The following FHIP1A variants were observed in gnomAD, a reference collection of about 807,000 sequenced individuals.
The protein encoded by FHIP1A is FHF complex subunit HOOK interacting protein 1A.
In FHIP1A, 61 loss-of-function variants were observed where a neutral mutation model predicts 88.6. That is an observed-to-expected ratio of 0.69 (90% confidence interval 0.56 to 0.85). FHIP1A has a LOEUF of 0.85. Ranked by LOEUF, FHIP1A falls within the 40% of genes least tolerant of loss-of-function variation. The probability of loss-of-function intolerance (pLI) is 0.00; values close to 1 mark genes in which losing one functional copy is unlikely to be tolerated. For synonymous variants in FHIP1A, 478 were observed against 496.0 expected (o/e 0.96, Z 0.48); for missense variants, 1,154 against 1,273.5 (o/e 0.91, Z 1.43).
intron 2 of FHIP1A, among the ~76,000 whole-genome samples, chr4:151,478,875 T>G (rs1249698393): frequency 6.6e-6 from 1 of 152,134 alleles, no homozygotes; most frequent in African/African-American, 2.4e-5. Context: ...TTTTAGTAAG[T>G]CAGTATTCTT....
chr4:151,493,560 A>G (rs1730357075), intron 3 of FHIP1A, among the ~76,000 whole-genome samples: 1 of 152,154 alleles, frequency 6.6e-6, no homozygotes, highest in Non-Finnish European at 1.5e-5. Flanking sequence ...TTAACATAGA[A>G]GCAAAAATCC....
intron 3 of FHIP1A, chr4:151,533,035 T>C (rs1731936865): frequency 6.6e-6 from 1 of 152,192 alleles, no homozygotes; most frequent in South Asian, 2.1e-4. Context: ...TCAACCTTAT[T>C]GATGTTTTTG....
intron 1 of FHIP1A, among the ~76,000 whole-genome samples, chr4:151,411,912 A>G (rs1417560151): frequency 6.6e-6 from 1 of 152,188 alleles, no homozygotes; most frequent in Non-Finnish European, 1.5e-5. Flanking sequence ...CTCAAGAGTG[A>G]CAAGAAACTC....
rs1737681611 is a variant in FHIP1A, at chr4:151,666,786, T to G, written c.*4032T>G. On this transcript the variant is annotated 3_prime_UTR_variant, in exon 14 of 14. Coordinates refer to ENST00000435205, the MANE Select transcript of FHIP1A (RefSeq NM_001109977.3). The stretch of plus-strand genomic sequence containing the variant: ...CAGGAGGGAAGCACAGCCGCAGCAG[T>G]CTGGACAAATCAAGTGCTTTAACGA... 6.6e-6 allele frequency among the ~76,000 whole-genome samples: 1 copy of G among 152,190 alleles called. No homozygotes were observed. Among genetic ancestry groups the G allele is most frequent in the African/African-American group, 2.4e-5 (1 of 41,434 alleles).
intron 1 of FHIP1A, among the ~76,000 whole-genome samples, chr4:151,416,342 A>C (rs1216772298): frequency 1.3e-5 from 2 of 152,172 alleles, no homozygotes; most frequent in Non-Finnish European, 2.9e-5. Context: ...ATTCCTCAAA[A>C]TGAATATCTT....
In FHIP1A at chr4:151,649,487, G is replaced by A. The variant is rs867904600; in HGVS notation, c.1446G>A (p.Ala482=). 7.1e-6 allele frequency: 11 copies of A among 1,551,052 alleles called. No homozygotes were observed. Among genetic ancestry groups the A allele is most frequent in the Non-Finnish European group, 9.6e-6 (11 of 1,146,730 alleles). Residue 482 remains alanine (A), a synonymous_variant, in exon 11 of 14, where the codon GCG becomes GCA. Coordinates refer to ENST00000435205, the MANE Select transcript of FHIP1A (RefSeq NM_001109977.3). Reference sequence around the variant, plus strand: ...CTGTGGAGCGGCCATTCCCCGAAGCGTTCTCCGAGTCAGCCTGCATTGTGG... The same window carrying A: ...CTGTGGAGCGGCCATTCCCCGAAGCATTCTCCGAGTCAGCCTGCATTGTGG... ...SGPVERPFPE[A]FSESACIVEY...
chr4:151,598,335 C>T (rs926104099), intron 7 of FHIP1A, among the ~76,000 whole-genome samples: 2 of 152,176 alleles, frequency 1.3e-5, no homozygotes, highest in African/African-American at 4.8e-5. Flanking sequence ...CCCCACCCTG[C>T]TTTGGCTTGC....
chr4:151,514,935 T>A (rs1165321234), intron 3 of FHIP1A, among the ~76,000 whole-genome samples: 1 of 151,964 alleles, frequency 6.6e-6, no homozygotes, highest in Non-Finnish European at 1.5e-5. Context: ...AAAGAGGGAA[T>A]CCTCCCTAAC....
At chr4:151,418,214 C>T (rs1345803236) in intron 1 of FHIP1A, among the ~76,000 whole-genome samples, 3 of 141,448 alleles carry the variant, frequency 2.1e-5, no homozygotes, top group Admixed American at 7.1e-5. Context: ...ACTCTGACAA[C>T]ATGAATTCAT....
chr4:151,488,810 A>G (rs543938611), intron 3 of FHIP1A, among the ~76,000 whole-genome samples: 16 of 152,356 alleles, frequency 1.1e-4, no homozygotes, highest in African/African-American at 1.4e-4. Context: ...TAAGTATTCA[A>G]TATTGATCAT....
chr4:151,537,704 G>A (rs1732121037), intron 3 of FHIP1A, among the ~76,000 whole-genome samples: 1 of 152,166 alleles, frequency 6.6e-6, no homozygotes, highest in African/African-American at 2.4e-5. Context: ...ATCCCTTAGA[G>A]ACCCTCTAAC....
At position 151,438,143 on chromosome 4, in the gene FHIP1A, T is replaced by G. The variant is rs75493371; in HGVS notation, c.-355-16558T>G. Among the ~76,000 whole-genome samples, 173 of 152,064 alleles carry G rather than the reference T, an allele frequency of 1.1e-3. 3 individuals are homozygous for G. The East Asian group carries it at 0.028, about 25-fold the overall frequency. On this transcript the variant is annotated intron_variant, in intron 1 of 13. Transcript: ENST00000435205. ...GTAGATGTGTTTATTAAGATTTACA[T>G]ATGGGGCACTCCTGGGTGGCAGCAG...
chr4:151,418,183 A>AAAG, intron 1 of FHIP1A, among the ~76,000 whole-genome samples: 1 of 151,060 alleles, frequency 6.6e-6, no homozygotes, highest in Non-Finnish European at 1.5e-5. Context: ...AAAAAAAAAA[A>AAAG]AAAAAAAAAA....
intron 3 of FHIP1A, among the ~76,000 whole-genome samples, chr4:151,539,496 G>A (rs1003522192): frequency 7.3e-5 from 11 of 151,024 alleles, no homozygotes; most frequent in South Asian, 4.2e-4. Flanking sequence ...ACTGGGAGGC[G>A]GAGGTTGCAG....
At chr4:151,415,264 G>A (rs1171914391) in intron 1 of FHIP1A, among the ~76,000 whole-genome samples, 1 of 150,806 alleles carries the variant, frequency 6.6e-6, no homozygotes, top group Non-Finnish European at 1.5e-5. Flanking sequence ...TCAGCTCACT[G>A]CAACCTCTCC....
chr4:151,422,238 T>TA (rs1411836834), intron 1 of FHIP1A, among the ~76,000 whole-genome samples: 12 of 151,536 alleles, frequency 7.9e-5, no homozygotes, highest in Admixed American at 7.2e-4. Flanking sequence ...TATATATATA[T>TA]TAACTCTTTC....
chr4:151,610,851 G>T (rs1234231245), intron 7 of FHIP1A, among the ~76,000 whole-genome samples: 1 of 152,100 alleles, frequency 6.6e-6, no homozygotes, highest in East Asian at 1.9e-4. Context: ...AGATTACCTG[G>T]TATGATCATT....
intron 11 of FHIP1A, among the ~76,000 whole-genome samples, chr4:151,653,019 G>A (rs1419250225): frequency 6.6e-6 from 1 of 152,132 alleles, no homozygotes; most frequent in African/African-American, 2.4e-5. Context: ...GGAGAGGTTG[G>A]TGCCAGGAAA....
chr4:151,535,817 G>A (rs921042423), intron 3 of FHIP1A, among the ~76,000 whole-genome samples: 4 of 152,208 alleles, frequency 2.6e-5, no homozygotes, highest in African/African-American at 7.2e-5. Context: ...AATTCCAAAA[G>A]ATTATTTTGA....
Sources: allele counts gnomAD v4.1 joint callset (sites outside exome capture counted in the v4.1 genomes callset), GRCh38; gene constraint gnomAD v4.1.1; transcripts MANE v1.5; gene names NCBI Gene and HGNC (gene_info 2026-07-23, HGNC 2026-07-21).